ARID4B: variants seen among roughly 807,000 people sequenced by gnomAD.
ARID4B encodes the protein AT-rich interactive domain-containing protein 4B.
ARID4B carries 26 observed loss-of-function variants against 147.5 expected under a neutral mutation model. The observed-to-expected ratio is 0.18, with a 90% CI of 0.13 to 0.24. ARID4B has a LOEUF of 0.24. Among genes scored for constraint, ARID4B ranks in the 10% least tolerant of loss-of-function variants. The pLI is 1.00. For synonymous variants in ARID4B, 512 were observed against 507.9 expected, an observed-to-expected ratio of 1.01 and a Z score of -0.11; for missense variants, 1,179 against 1,511.5, an observed-to-expected ratio of 0.78 and a Z score of 3.65.
rs34808765 is a variant in ARID4B at position 235,176,437 on chromosome 1, C to CAAAAA, written c.3449-1043_3449-1039dup. Among the ~76,000 whole-genome samples the CAAAAA allele has an allele frequency of 4.6e-3, 104 of 22,520 alleles. 13 individuals are homozygous for CAAAAA. Among genetic ancestry groups the CAAAAA allele is most frequent in the Middle Eastern group, 0.045 (1 of 22 alleles). 14.8% of individuals were successfully genotyped at this position (22,520 alleles called of 152,430 possible). A position where few individuals can be genotyped will look rare whatever the true frequency, so the allele number is the denominator to read the frequency against. ...CTGATTTTTCACTTAACAACATCAC[C>CAAAAA]AAAAAAAAAAAAAAAAAAAAAAAAA... On this transcript the variant is annotated intron_variant, in intron 21 of 23. Coordinates refer to ENST00000264183, the MANE Select transcript of ARID4B (RefSeq NM_016374.6).
intron 2 of ARID4B, among the ~76,000 whole-genome samples, chr1:235,273,023 T>C (rs977630116): frequency 2.6e-5 from 4 of 152,224 alleles, no homozygotes; most frequent in African/African-American, 9.6e-5. Context: ...CAGGTGATTT[T>C]CCAGATACTC....
intron 5 of ARID4B, among the ~76,000 whole-genome samples, chr1:235,253,528 T>G (rs1311952558): frequency 6.6e-6 from 1 of 152,238 alleles, no homozygotes. Flanking sequence ...GCAACTTGGC[T>G]GCAGTAATTA....
intron 2 of ARID4B, among the ~76,000 whole-genome samples, chr1:235,326,179 A>G (rs1457959716): frequency 6.6e-6 from 1 of 152,120 alleles, no homozygotes; most frequent in African/African-American, 2.4e-5. Context: ...ATTCATATAC[A>G]TATTCTCTCA....
chr1:235,170,086 A>G lies in ARID4B; in HGVS notation c.3812-1434T>C, dbSNP rs1663235806. ...TCTCACTCTCATCCAGGAACCTCCTAATCACCCAAATTCCCTTCCCCATTG... is the reference window on the plus strand; with the variant it reads ...TCTCACTCTCATCCAGGAACCTCCTGATCACCCAAATTCCCTTCCCCATTG... On this transcript the variant is annotated intron_variant, in intron 23 of 23. Transcript: ENST00000264183. Among the ~76,000 whole-genome samples, 3 of 152,238 alleles carry G rather than the reference A, an allele frequency of 2.0e-5. No individual in the cohort carries two copies. In the South Asian group the frequency reaches 6.2e-4, roughly 32 times the overall value.
At chr1:235,222,678 CTTT>C (rs35090143) in intron 13 of ARID4B, among the ~76,000 whole-genome samples, 6 of 130,732 alleles carry the variant, frequency 4.6e-5, no homozygotes, top group Admixed American at 7.8e-5. Flanking sequence ...GAAAAAAAAT[CTTT>C]TTTTTTTTTT....
intron 23 of ARID4B, among the ~76,000 whole-genome samples, chr1:235,171,530 G>A (rs943782918): frequency 3.9e-5 from 6 of 152,144 alleles, no homozygotes; most frequent in Non-Finnish European, 7.4e-5. Flanking sequence ...TTTAGGAACC[G>A]ACTTTTAATG....
chr1:235,279,331 A>ATG (rs1036839428), intron 2 of ARID4B, among the ~76,000 whole-genome samples: 18 of 152,170 alleles, frequency 1.2e-4, no homozygotes, highest in African/African-American at 4.3e-4. Context: ...ACCACGTAGT[A>ATG]TGAGGTATTC....
intron 22 of ARID4B, among the ~76,000 whole-genome samples, chr1:235,173,771 AATATATATATATAT>A (rs1169414831): frequency 0.014 from 447 of 32,296 alleles, 10 homozygotes; most frequent in Middle Eastern, 0.059. Flanking sequence ...AAAAAAAAAA[AATATATATATATAT>A]ATATATATAT....
chr1:235,261,448 C>A (rs1670289063), intron 2 of ARID4B, among the ~76,000 whole-genome samples: 2 of 152,100 alleles, frequency 1.3e-5, no homozygotes, highest in Admixed American at 6.6e-5. Context: ...TGCTTGAGCC[C>A]AAGAGGTCGA....
At position 235,287,603 on chromosome 1, in the gene ARID4B, A is replaced by G. The variant is rs553879105; in HGVS notation, c.7-26851T>C. ...ATTAATGCCTAATTATCAGCAAATTAGTAAACTATTTCTGTTGACACCTTT... is the reference window on the plus strand; with the variant it reads ...ATTAATGCCTAATTATCAGCAAATTGGTAAACTATTTCTGTTGACACCTTT... On this transcript the variant is annotated intron_variant, in intron 2 of 23. Transcript: ENST00000264183. Among the ~76,000 whole-genome samples the G allele has an allele frequency of 5.2e-5, 8 of 152,384 alleles. No individual in the cohort carries two copies. The South Asian group carries it at 1.4e-3, about 28-fold the overall frequency.
At chr1:235,221,144 C>T (rs1157173926) in intron 14 of ARID4B, among the ~76,000 whole-genome samples, 6 of 152,172 alleles carry the variant, frequency 3.9e-5, no homozygotes, top group Admixed American at 1.3e-4. Context: ...GTGATCTGCC[C>T]GCCTCGGCCT....
chr1:235,183,586 G>C (rs187676616), intron 19 of ARID4B, among the ~76,000 whole-genome samples: 67 of 152,132 alleles, frequency 4.4e-4, no homozygotes, highest in African/African-American at 1.5e-3. Context: ...ATCCAAGCTG[G>C]AGTGCAGTGG....
At chr1:235,321,571 T>G (rs540039689) in intron 2 of ARID4B, among the ~76,000 whole-genome samples, 3 of 152,280 alleles carry the variant, frequency 2.0e-5, no homozygotes, top group South Asian at 2.1e-4. Context: ...AGTGGCGTGA[T>G]CTCGGCTCAC....
At chr1:235,200,285 CG>C (rs1369338052) in intron 17 of ARID4B, among the ~76,000 whole-genome samples, 2 of 152,154 alleles carry the variant, frequency 1.3e-5, no homozygotes, top group Non-Finnish European at 2.9e-5. Context: ...ATGGTGAAAC[CG>C]TGTCTCTACT....
rs1671201230 is a variant in ARID4B at position 235,274,622 on chromosome 1, T to C, written c.7-13870A>G. On this transcript the variant is annotated intron_variant, in intron 2 of 23. Transcript: ENST00000264183. Reference sequence around the variant, plus strand: ...TAAAAATAATCAATTAAAAATGTAATTTTTTATTCTACACAGAGAACTTGC... The same window carrying C: ...TAAAAATAATCAATTAAAAATGTAACTTTTTATTCTACACAGAGAACTTGC... Among the ~76,000 whole-genome samples, 4 of 152,264 alleles carry C rather than the reference T, an allele frequency of 2.6e-5. No homozygotes were observed. The South Asian group carries it at 8.3e-4, about 32-fold the overall frequency.
intron 11 of ARID4B, among the ~76,000 whole-genome samples, chr1:235,226,682 C>T (rs371277368): frequency 6.6e-6 from 1 of 152,130 alleles, no homozygotes; most frequent in African/African-American, 2.4e-5. Context: ...CCACCATGCC[C>T]GGCTAATTTT....
chr1:235,327,173 T>G, intron 1 of ARID4B: 1 of 484,502 alleles, frequency 2.1e-6, no homozygotes, highest in Non-Finnish European at 3.8e-6. Flanking sequence ...GCTCGGCAGC[T>G]TCCCGTCCCC....
chr1:235,290,231 G>A (rs1672251599), intron 2 of ARID4B, among the ~76,000 whole-genome samples: 1 of 152,044 alleles, frequency 6.6e-6, no homozygotes, highest in Admixed American at 6.6e-5. Context: ...ATCACTTGAG[G>A]TCAGGAGTTC....
At chr1:235,324,331 ACT>A (rs1233337437) in intron 2 of ARID4B, among the ~76,000 whole-genome samples, 1 of 152,236 alleles carries the variant, frequency 6.6e-6, no homozygotes, top group Non-Finnish European at 1.5e-5. Flanking sequence ...TCAAAAACAT[ACT>A]GTGAAAAAAG....
Sources: allele counts gnomAD v4.1 joint callset (sites outside exome capture counted in the v4.1 genomes callset), GRCh38; gene constraint gnomAD v4.1.1; transcripts MANE v1.5; gene names NCBI Gene and HGNC (gene_info 2026-07-23, HGNC 2026-07-21).